The following DVL3 variants were observed in gnomAD, a reference collection of about 807,000 sequenced individuals.
DVL3 encodes the protein segment polarity protein dishevelled homolog DVL-3.
In DVL3, 27 loss-of-function variants were observed where a neutral mutation model predicts 67.4. The ratio of observed to expected loss-of-function variants is 0.40; its 90% CI spans 0.30 to 0.55. The LOEUF (loss-of-function observed/expected upper bound fraction) is 0.55, where lower values mean the gene tolerates loss of function less well. Ranked by LOEUF, DVL3 falls within the 20% of genes least tolerant of loss-of-function variation. The pLI is 0.46. For synonymous variants in DVL3, 369 were observed against 396.8 expected (o/e 0.93, Z 0.83); for missense variants, 819 against 1,021.5 (o/e 0.80, Z 2.70).
chr3:184,170,130 G>T lies in DVL3; in HGVS notation c.1623G>T (p.Pro541=). The T allele has an allele frequency of 6.2e-7, 1 of 1,613,622 alleles. No individual in the cohort carries two copies. The highest frequency in any genetic ancestry group is 8.5e-7 in the Non-Finnish European group (1 of 1,179,942). The stretch of plus-strand genomic sequence containing the variant: ...CCATGGCTTTCCCGTACCAGTACCC[G>T]CCACCCCCGCACCCATACAACCCGC... ...PWPMAFPYQY[P]PPPHPYNPHP... is the part of the protein sequence containing the mutation. The change falls in exon 14 of 15, where the codon CCG becomes CCT. Residue 541 remains proline (P), a synonymous_variant. Transcript: ENST00000313143. This position sits in a 1 kb window ranked among gnomAD's most constrained non-coding sequence, Gnocchi z 6.5.
Position 184,167,142 on chromosome 3 carries a change from C to CCTCA in DVL3, c.1198+170_1198+173dup, listed in dbSNP as rs1714623135. Among the ~76,000 whole-genome samples, 1 of 152,170 alleles carries CCTCA rather than the reference C, an allele frequency of 6.6e-6. No individual in the cohort carries two copies. The highest frequency in any genetic ancestry group is 2.1e-4 in the South Asian group (1 of 4,826). On this transcript the variant is annotated intron_variant, in intron 11 of 14. Transcript: ENST00000313143. This position sits in a 1 kb window ranked among gnomAD's most constrained non-coding sequence, Gnocchi z 4.6. ...ACTCCCCCACAGCGGGCACTCCAACCCTCACTAAACAGTGTTTGCTTCTGA... is the reference window on the plus strand; with the variant it reads ...ACTCCCCCACAGCGGGCACTCCAACCCTCACTCACTAAACAGTGTTTGCTTCTGA...
At chr3:184,169,947 C>G (rs988218963) in intron 13 of DVL3, 59 bp from the exon 14 acceptor site, 36 of 1,471,126 alleles carry the variant, frequency 2.4e-5, no homozygotes, top group Non-Finnish European at 3.2e-5. Flanking sequence ...GCCCACCTGA[C>G]CTAGGCTAGG....
In DVL3 at chr3:184,164,999, C is replaced by A; in HGVS notation, c.599+68C>A. ...GGAGGAGCCCTAAACCCTGAGGATG[C>A]GGGGCCCCTGGGAGGCTTATGGGCT... On this transcript the variant is annotated intron_variant, in intron 5 of 14. Transcript: ENST00000313143. This position sits in a 1 kb window ranked among gnomAD's most constrained non-coding sequence, Gnocchi z 5.3. The A allele has an allele frequency of 6.2e-7, 1 of 1,609,506 alleles. No homozygotes were observed. Among genetic ancestry groups the A allele is most frequent in the Non-Finnish European group, 8.5e-7 (1 of 1,177,256 alleles).
chr3:184,158,465 C>T (rs890043631), intron 1 of DVL3, among the ~76,000 whole-genome samples: 2 of 152,118 alleles, frequency 1.3e-5, no homozygotes, highest in Non-Finnish European at 1.5e-5. Context: ...AATCCTTAAT[C>T]GCACAATTTT....
rs138493584 is a variant in DVL3, at chr3:184,163,454, A to G, written c.162-203A>G. The stretch of plus-strand genomic sequence containing the variant: ...GACTGAGAGGATGCCCCGGGAAGGT[A>G]TCTGGCCTAGGCAGGGCTGGTGTCT... On this transcript the variant is annotated intron_variant, in intron 1 of 14. Coordinates refer to ENST00000313143, the MANE Select transcript of DVL3 (RefSeq NM_004423.4). This position sits in a 1 kb window ranked among gnomAD's most constrained non-coding sequence, Gnocchi z 4.5. Among the ~76,000 whole-genome samples the G allele has an allele frequency of 0.026, 3,885 of 152,232 alleles. 65 individuals are homozygous for G. The highest frequency in any genetic ancestry group is 0.058 in the Middle Eastern group (17 of 294).
Position 184,165,261 on chromosome 3 carries a change from C to G in DVL3, c.693+55C>G. The G allele has an allele frequency of 6.5e-7, 1 of 1,549,870 alleles. No homozygotes were observed. Among genetic ancestry groups the G allele is most frequent in the Non-Finnish European group, 8.8e-7 (1 of 1,139,802 alleles). On this transcript the variant is annotated intron_variant, in intron 6 of 14. Transcript: ENST00000313143. This position sits in a 1 kb window ranked among gnomAD's most constrained non-coding sequence, Gnocchi z 4.1. ...GGAGGCAGATTGTGAGCCCTTCCTA[C>G]GCAGGGCCAAGGCTTGTTCTTCCTT...
intron 13 of DVL3, 137 bp downstream of exon 13, chr3:184,168,202 T>C: frequency 9.8e-7 from 1 of 1,015,788 alleles, no homozygotes. Context: ...CTGAGAGTTC[T>C]ATGGTGGAAG....
Position 184,171,422 on chromosome 3 carries a change from C to T in DVL3, c.*667C>T, listed in dbSNP as rs1182899210. Reference sequence around the variant, plus strand: ...TGGTGGCTTCCAGGGAGCATCTCTGCTCTACCCCTGCCCCATGCCTGCCCT... The same window carrying T: ...TGGTGGCTTCCAGGGAGCATCTCTGTTCTACCCCTGCCCCATGCCTGCCCT... On this transcript the variant is annotated 3_prime_UTR_variant, in exon 15 of 15. Coordinates refer to ENST00000313143, the MANE Select transcript of DVL3 (RefSeq NM_004423.4). The T allele has an allele frequency of 1.0e-6, 1 of 994,040 alleles. No individual in the cohort carries two copies. The highest frequency in any genetic ancestry group is 1.2e-6 in the Non-Finnish European group (1 of 835,928). 61.6% of individuals were successfully genotyped at this position (994,040 alleles called of 1,614,324 possible).
At chr3:184,160,249 C>G (rs1225935781) in intron 1 of DVL3, among the ~76,000 whole-genome samples, 1 of 152,064 alleles carries the variant, frequency 6.6e-6, no homozygotes, top group African/African-American at 2.4e-5. Flanking sequence ...CCGTGCCCTG[C>G]CAGTCAAAGC....
Position 184,166,983 on chromosome 3 carries a change from T to C in DVL3, c.1198+8T>C. ...CCATCCCTGACACAGAGCGTGAGTG[T>C]CCCACCCTGTCTCCTGGGCCCAGCA... On this transcript the variant is annotated splice_region_variant and intron_variant, in intron 11 of 14. Transcript: ENST00000313143. This position sits in a 1 kb window ranked among gnomAD's most constrained non-coding sequence, Gnocchi z 6.7. 1 of 1,613,564 alleles carries C rather than the reference T, an allele frequency of 6.2e-7. No individual in the cohort carries two copies. Among genetic ancestry groups the C allele is most frequent in the Non-Finnish European group, 8.5e-7 (1 of 1,179,740 alleles).
Position 184,163,827 on chromosome 3 carries a change from T to C in DVL3, c.231+101T>C. 9.9e-7 allele frequency: 1 copy of C among 1,009,472 alleles called. No individual in the cohort carries two copies. The highest frequency in any genetic ancestry group is 1.5e-6 in the Non-Finnish European group (1 of 659,066). The allele number at this position is 1,009,472 out of a possible 1,614,324, so 62.5% of individuals were successfully genotyped here. ...TAGCTGGTGGTTTTAAGCTTCAGTATCTGAATCTTTCTTTAGTTTTGCAAA... is the reference window on the plus strand; with the variant it reads ...TAGCTGGTGGTTTTAAGCTTCAGTACCTGAATCTTTCTTTAGTTTTGCAAA... On this transcript the variant is annotated intron_variant, in intron 2 of 14. Transcript: ENST00000313143. The surrounding 1 kb of genome is among the most constrained non-coding windows in gnomAD (Gnocchi z 4.5).
At chr3:184,169,043 G>C (rs1714703687) in intron 13 of DVL3, among the ~76,000 whole-genome samples, 1 of 152,156 alleles carries the variant, frequency 6.6e-6, no homozygotes, top group Non-Finnish European at 1.5e-5. Flanking sequence ...CTGCCCAGCA[G>C]CACTGGGAAA....
Position 184,173,580 on chromosome 3 carries a change from A to G in DVL3, c.*2825A>G, listed in dbSNP as rs1343923007. 1 of 152,250 alleles carries G rather than the reference A, an allele frequency of 6.6e-6. No individual in the cohort carries two copies. Among genetic ancestry groups the G allele is most frequent in the Non-Finnish European group, 1.5e-5 (1 of 68,048 alleles). 9.4% of individuals were successfully genotyped at this position (152,250 alleles called of 1,614,324 possible). ...CACAGTGCCTGGCACACAGTAGAGT[A>G]GGTGCTCAATAAATGGTAGCTATTA... On this transcript the variant is annotated 3_prime_UTR_variant, in exon 15 of 15. Coordinates refer to ENST00000313143, the MANE Select transcript of DVL3 (RefSeq NM_004423.4).
intron 1 of DVL3, among the ~76,000 whole-genome samples, chr3:184,156,109 C>T (rs1345673194): frequency 1.3e-5 from 2 of 152,098 alleles, no homozygotes; most frequent in African/African-American, 4.8e-5. Context: ...ACCCCCCCTC[C>T]ACCTAGTTTC....
rs913947124 is a variant in DVL3 at position 184,161,351 on chromosome 3, C to T, written c.162-2306C>T. Reference sequence around the variant, plus strand: ...CTGAGGCAGGAGAATCACTTGAACCCGGGAGGCGCAGGTTGCAGTGGGCTG... The same window carrying T: ...CTGAGGCAGGAGAATCACTTGAACCTGGGAGGCGCAGGTTGCAGTGGGCTG... On this transcript the variant is annotated intron_variant, in intron 1 of 14. Transcript: ENST00000313143. Among the ~76,000 whole-genome samples, 35 of 152,048 alleles carry T rather than the reference C, an allele frequency of 2.3e-4. No individual in the cohort carries two copies. The South Asian group carries it at 2.5e-3, about 11-fold the overall frequency.
At chr3:184,159,715 C>T (rs960831519) in intron 1 of DVL3, among the ~76,000 whole-genome samples, 2 of 151,960 alleles carry the variant, frequency 1.3e-5, no homozygotes, top group East Asian at 1.9e-4. Flanking sequence ...GATGTCTATC[C>T]ATTGAACACA....
chr3:184,160,097 G>A (rs1440684026), intron 1 of DVL3, among the ~76,000 whole-genome samples: 1 of 149,198 alleles, frequency 6.7e-6, no homozygotes, highest in African/African-American at 2.5e-5. Context: ...CCGCCACCAC[G>A]CCCTGCTAAT....
In DVL3 at chr3:184,165,262, G is replaced by C; in HGVS notation, c.693+56G>C. 2 of 1,552,348 alleles carry C rather than the reference G, an allele frequency of 1.3e-6. No homozygotes were observed. The highest frequency in any genetic ancestry group is 1.2e-5 in the South Asian group (1 of 82,264). On this transcript the variant is annotated intron_variant, in intron 6 of 14. Coordinates refer to ENST00000313143, the MANE Select transcript of DVL3 (RefSeq NM_004423.4). The surrounding 1 kb of genome is among the most constrained non-coding windows in gnomAD (Gnocchi z 4.1). ...GAGGCAGATTGTGAGCCCTTCCTAC[G>C]CAGGGCCAAGGCTTGTTCTTCCTTA...
chr3:184,162,497 C>T (rs982924275), intron 1 of DVL3, among the ~76,000 whole-genome samples: 4 of 151,592 alleles, frequency 2.6e-5, no homozygotes, highest in African/African-American at 9.7e-5. Context: ...TGTTAATTAT[C>T]ATAATGGCAT....
Sources: gnomAD v4.1 joint callset for allele counts (sites outside exome capture counted in the v4.1 genomes callset) on GRCh38, gnomAD v4.1.1 for gene constraint, Gnocchi (gnomAD v3.1) non-coding constraint, MANE v1.5 for transcripts, NCBI Gene and HGNC (gene_info 2026-07-23, HGNC 2026-07-21) for gene names.